TBC1D4: variants seen among roughly 807,000 people sequenced by gnomAD.
TBC1D4 encodes TBC (Tre-2, BUB2, CDC16) domain-containing protein.
A neutral mutation model predicts 142.5 loss-of-function variants in TBC1D4; 121 were observed. The ratio of observed to expected loss-of-function variants is 0.85; its 90% CI spans 0.73 to 0.99. The LOEUF is 0.99. TBC1D4 is among the 50% of genes least tolerant of loss of function. The pLI, the probability that TBC1D4 is intolerant of heterozygous loss-of-function variation, is 0.00. For missense variants in TBC1D4, 1,475 were observed against 1,606.6 expected, an observed-to-expected ratio of 0.92 and a Z score of 1.40; for synonymous variants, 630 against 628.2, an observed-to-expected ratio of 1.00 and a Z score of -0.04.
chr13:75,337,634 C>T (rs1880335086), intron 7 of TBC1D4, among the ~76,000 whole-genome samples: 1 of 152,112 alleles, frequency 6.6e-6, no homozygotes, highest in Non-Finnish European at 1.5e-5. Flanking sequence ...TCACATGGTC[C>T]TTAGTAGCAA....
At chr13:75,445,303 C>T (rs1451315064) in intron 1 of TBC1D4, among the ~76,000 whole-genome samples, 2 of 152,162 alleles carry the variant, frequency 1.3e-5, no homozygotes, top group Non-Finnish European at 2.9e-5. Context: ...CTCAAAAATA[C>T]TCAAGTGGTT....
intron 15 of TBC1D4, among the ~76,000 whole-genome samples, chr13:75,305,274 G>A (rs750927015): frequency 3.9e-5 from 6 of 152,166 alleles, no homozygotes; most frequent in Non-Finnish European, 7.3e-5. Context: ...TCAGTCTTGG[G>A]TTTGTCTTTA....
intron 19 of TBC1D4, among the ~76,000 whole-genome samples, chr13:75,289,591 AT>A (rs924901398): frequency 2.6e-5 from 4 of 152,162 alleles, no homozygotes; most frequent in African/African-American, 9.7e-5. Context: ...AGCATTTCTA[AT>A]TTATTTGCCA....
At chr13:75,376,755 T>G (rs1390907313) in intron 1 of TBC1D4, among the ~76,000 whole-genome samples, 1 of 152,206 alleles carries the variant, frequency 6.6e-6, no homozygotes, top group African/African-American at 2.4e-5. Context: ...CAAGTAACCA[T>G]CTAAAACTTA....
At chr13:75,391,657 C>A (rs1183592540) in intron 1 of TBC1D4, among the ~76,000 whole-genome samples, 2 of 152,200 alleles carry the variant, frequency 1.3e-5, no homozygotes, top group Non-Finnish European at 2.9e-5. Context: ...CTACCCAGGG[C>A]TCTATGATTG....
At chr13:75,477,637 T>A (rs959641289) in intron 1 of TBC1D4, among the ~76,000 whole-genome samples, 11 of 152,208 alleles carry the variant, frequency 7.2e-5, no homozygotes, top group African/African-American at 2.7e-4. Context: ...AATGTATGTA[T>A]AACATAAAAT....
chr13:75,437,273 A>G (rs1886837530), intron 1 of TBC1D4, among the ~76,000 whole-genome samples: 1 of 152,164 alleles, frequency 6.6e-6, no homozygotes. Flanking sequence ...GGTGTCCTTG[A>G]TTTCAGGAAA....
At chr13:75,413,019 G>A (rs1384622352) in intron 1 of TBC1D4, among the ~76,000 whole-genome samples, 1 of 152,160 alleles carries the variant, frequency 6.6e-6, no homozygotes, top group African/African-American at 2.4e-5. Context: ...CCTTCCAGTG[G>A]GGGAAACAGA....
chr13:75,300,182 T>A (rs1876384844), intron 16 of TBC1D4, among the ~76,000 whole-genome samples: 1 of 152,182 alleles, frequency 6.6e-6, no homozygotes, highest in South Asian at 2.1e-4. Flanking sequence ...GTAAACCACT[T>A]TTCTTTTTCA....
intron 17 of TBC1D4, among the ~76,000 whole-genome samples, chr13:75,297,194 G>T (rs17325351): frequency 0.22 from 33,677 of 151,972 alleles, 4,365 homozygotes; most frequent in Admixed American, 0.27. Context: ...AATACTTCTT[G>T]GTACTTACAG....
At position 75,362,971 on chromosome 13, in the gene TBC1D4, T is replaced by C. The variant is rs1280332013; in HGVS notation, c.499-364A>G. Among the ~76,000 whole-genome samples, 1 of 152,166 alleles carries C rather than the reference T, an allele frequency of 6.6e-6. No individual in the cohort carries two copies. The highest frequency in any genetic ancestry group is 1.5e-5 in the Non-Finnish European group (1 of 68,030). On this transcript the variant is annotated intron_variant, in intron 1 of 20. Transcript: ENST00000377636. This position sits in a 1 kb window ranked among gnomAD's most constrained non-coding sequence, Gnocchi z 4.2. ...CTGAAAGGAACCAAAGTTCCAACCA[T>C]GAGGACAAAATAACCTTTTTTGATG...
chr13:75,313,432 T>C (rs1877979491), intron 12 of TBC1D4, among the ~76,000 whole-genome samples: 1 of 152,202 alleles, frequency 6.6e-6, no homozygotes, highest in Non-Finnish European at 1.5e-5. Context: ...ACAGTCAACC[T>C]TGGGATTATT....
In TBC1D4 at chr13:75,481,417, GA is replaced by G; in HGVS notation, c.350del (p.Phe117SerfsTer26). ...TATGCTGCGCCTTGTGCTCGAAGAT[GA>G]ATACCGCCGGGTTGGGCTGCGTGGC... ...PSATQPNPAV[F>X]IFEHKAQHIS... is the part of the protein sequence containing the mutation. On this transcript the variant is annotated frameshift_variant, in exon 1 of 21. Coordinates refer to ENST00000377636, the MANE Select transcript of TBC1D4 (RefSeq NM_014832.5). LOFTEE classifies it high-confidence loss of function. 6.2e-7 allele frequency: 1 copy of G among 1,613,880 alleles called. No homozygotes were observed. Among genetic ancestry groups the G allele is most frequent in the Non-Finnish European group, 8.5e-7 (1 of 1,179,814 alleles).
chr13:75,438,646 TTTTA>T (rs2138189091), intron 1 of TBC1D4, among the ~76,000 whole-genome samples: 1 of 152,298 alleles, frequency 6.6e-6, no homozygotes, highest in Non-Finnish European at 1.5e-5. Flanking sequence ...TATGGAAAAC[TTTTA>T]TAATATTAAG....
intron 1 of TBC1D4, among the ~76,000 whole-genome samples, chr13:75,408,865 C>A (rs1885463101): frequency 6.6e-6 from 1 of 152,064 alleles, no homozygotes; most frequent in Non-Finnish European, 1.5e-5. Flanking sequence ...CATCTGAATA[C>A]CTTCTTTGGA....
intron 17 of TBC1D4, among the ~76,000 whole-genome samples, chr13:75,297,599 A>G (rs1876073712): frequency 6.6e-6 from 1 of 152,060 alleles, no homozygotes; most frequent in South Asian, 2.1e-4. Flanking sequence ...TACTAAAAAT[A>G]CAAAAAATTT....
At chr13:75,319,404 A>G (rs895768199) in intron 12 of TBC1D4, among the ~76,000 whole-genome samples, 7 of 152,176 alleles carry the variant, frequency 4.6e-5, no homozygotes, top group Non-Finnish European at 7.3e-5. Context: ...GTGATTCTAG[A>G]TGTTCACCAC....
chr13:75,386,890 C>T (rs962287105), intron 1 of TBC1D4, among the ~76,000 whole-genome samples: 11 of 152,124 alleles, frequency 7.2e-5, no homozygotes, highest in African/African-American at 2.4e-4. Flanking sequence ...TGCTTGAAAA[C>T]CTGGTGTAGG....
intron 5 of TBC1D4, among the ~76,000 whole-genome samples, chr13:75,346,819 G>A (rs1272247205): frequency 1.3e-5 from 2 of 151,840 alleles, no homozygotes; most frequent in African/African-American, 4.8e-5. Context: ...ATAAATATAT[G>A]CTGTATGTTA....
Sources: allele counts gnomAD v4.1 joint callset (sites outside exome capture counted in the v4.1 genomes callset), GRCh38; gene constraint gnomAD v4.1.1; non-coding constraint Gnocchi (gnomAD v3.1); transcripts MANE v1.5; gene names NCBI Gene and HGNC (gene_info 2026-07-23, HGNC 2026-07-21).